The following ATRX variants were observed in gnomAD, a reference collection of about 807,000 sequenced individuals.
ATRX encodes chromatin remodeler ATRX.
In ATRX, 12 loss-of-function variants were observed where a neutral mutation model predicts 172.6. The observed-to-expected ratio is 0.07, with a 90% CI of 0.04 to 0.11. ATRX has a LOEUF of 0.11. Among genes scored for constraint, ATRX ranks in the 10% least tolerant of loss-of-function variants. The pLI is 1.00. For missense variants in ATRX, 1,368 were observed against 1,767.4 expected (o/e 0.77, Z 4.05); for synonymous variants, 674 against 594.7 (o/e 1.13, Z -1.94).
chrX:77,534,914 T>A (rs2063698846), intron 30 of ATRX, among the ~76,000 whole-genome samples: 1 of 111,062 alleles, frequency 9.0e-6, no homozygotes, highest in Non-Finnish European at 1.9e-5. Flanking sequence ...GGGAGGGGGT[T>A]TGCCATGTTT....
chrX:77,716,541 CA>C lies in ATRX; in HGVS notation c.133+589del, dbSNP rs2073437259. 3.7e-5 allele frequency among the ~76,000 whole-genome samples: 4 copies of C among 107,793 alleles called. No homozygotes were observed. In the South Asian group the frequency reaches 1.6e-3, roughly 44 times the overall value. 93.6% of individuals were successfully genotyped at this position (107,793 alleles called of 115,157 possible). ...CAACGAGGGCAGATCACTTGAGTTC[CA>C]GACCAGCTTGGCCAACAGGGTGAAA... is the stretch of plus-strand genomic sequence containing the variant. On this transcript the variant is annotated intron_variant, in intron 2 of 34. Transcript: ENST00000373344.
chrX:77,571,358 A>C (rs2065405248), intron 28 of ATRX, among the ~76,000 whole-genome samples: 1 of 112,109 alleles, frequency 8.9e-6, no homozygotes, highest in South Asian at 3.7e-4. Flanking sequence ...ATCCCATAGA[A>C]TACTACTCTG....
chrX:77,543,083 C>T (rs539660612), intron 30 of ATRX, among the ~76,000 whole-genome samples: 5 of 111,504 alleles, frequency 4.5e-5, no homozygotes, highest in South Asian at 3.8e-4. Context: ...GGCTAATATC[C>T]GGAATCTACA....
Position 77,507,231 on chromosome X carries a change from T to C in ATRX, c.*1120A>G, listed in dbSNP as rs2062731877. 5.9e-6 allele frequency: 1 copy of C among 169,455 alleles called. No individual in the cohort carries two copies. Among genetic ancestry groups the C allele is most frequent in the South Asian group, 3.3e-4 (1 of 3,065 alleles). 14.0% of individuals were successfully genotyped at this position (169,455 alleles called of 1,213,427 possible). On this transcript the variant is annotated 3_prime_UTR_variant, in exon 35 of 35. Coordinates refer to ENST00000373344, the MANE Select transcript of ATRX (RefSeq NM_000489.6). Reference sequence around the variant, plus strand: ...ACAATTTAAAAAAATGTAAGGAAACTGGGGTAAAAGAACATGATGATGAGA... The same window carrying C: ...ACAATTTAAAAAAATGTAAGGAAACCGGGGTAAAAGAACATGATGATGAGA...
intron 1 of ATRX, among the ~76,000 whole-genome samples, chrX:77,733,227 C>A (rs2074376285): frequency 9.0e-6 from 1 of 111,695 alleles, no homozygotes; most frequent in African/African-American, 3.3e-5. Context: ...TCCATACTAT[C>A]CAAAGCAATC....
Position 77,600,303 on chromosome X carries a change from T to A in ATRX, c.5697+131A>T. ...ATAATCATAATACATGCAAGACATA[T>A]AGAAATTAGAAATAAGACATAGAAT... On this transcript the variant is annotated intron_variant, in intron 23 of 34. Coordinates refer to ENST00000373344, the MANE Select transcript of ATRX (RefSeq NM_000489.6). 3 of 771,994 alleles carry A rather than the reference T, an allele frequency of 3.9e-6. No homozygotes were observed. The South Asian group carries it at 7.2e-5, about 18-fold the overall frequency. The allele number at this position is 771,994 out of a possible 1,213,427, so 63.6% of individuals were successfully genotyped here.
In ATRX at chrX:77,504,978, G is replaced by A. The variant is rs1165214146; in HGVS notation, c.*3373C>T. ...GAAACTTGATCACTCCTTTGGGACT[G>A]GCTCAGATTATAGACTTGAAAAAAA... On this transcript the variant is annotated 3_prime_UTR_variant, in exon 35 of 35. Coordinates refer to ENST00000373344, the MANE Select transcript of ATRX (RefSeq NM_000489.6). The A allele has an allele frequency of 6.2e-6, 1 of 162,404 alleles. No individual in the cohort carries two copies. Among genetic ancestry groups the A allele is most frequent in the African/African-American group, 3.0e-5 (1 of 32,982 alleles). 13.4% of individuals were successfully genotyped at this position (162,404 alleles called of 1,213,427 possible). A position where few individuals can be genotyped will look rare whatever the true frequency, so the allele number is the denominator to read the frequency against.
chrX:77,574,640 A>G lies in ATRX; in HGVS notation c.6218-282T>C, dbSNP rs781819889. Among the ~76,000 whole-genome samples the G allele has an allele frequency of 2.7e-5, 3 of 111,995 alleles. No homozygotes were observed. In the South Asian group the frequency reaches 1.1e-3, roughly 41 times the overall value. On this transcript the variant is annotated intron_variant, in intron 27 of 34. Coordinates refer to ENST00000373344, the MANE Select transcript of ATRX (RefSeq NM_000489.6). ...AGGGTTTCCTTGATTAGAATCCTTA[A>G]AACTGTCAAAAGAATATGATTAAAC...
At chrX:77,728,968 G>T (rs1439452228) in intron 1 of ATRX, among the ~76,000 whole-genome samples, 1 of 107,371 alleles carries the variant, frequency 9.3e-6, no homozygotes, top group Non-Finnish European at 1.9e-5. Context: ...CACCATATTG[G>T]CCAGGCTGGT....
intron 1 of ATRX, among the ~76,000 whole-genome samples, chrX:77,778,597 T>C (rs985673519): frequency 9.2e-6 from 1 of 108,540 alleles, no homozygotes; most frequent in East Asian, 2.9e-4. Flanking sequence ...GGCACACGCC[T>C]GTAGTCCAAG....
At chrX:77,775,723 A>C (rs980735962) in intron 1 of ATRX, among the ~76,000 whole-genome samples, 66 of 106,111 alleles carry the variant, frequency 6.2e-4, no homozygotes, top group African/African-American at 1.2e-3. Context: ...TTCTTTATTT[A>C]TTTATTTATT....
chrX:77,632,621 A>G (rs1412762515), intron 19 of ATRX, among the ~76,000 whole-genome samples: 2 of 112,461 alleles, frequency 1.8e-5, no homozygotes, highest in Admixed American at 9.4e-5. Context: ...CAAGATAAAC[A>G]TATGAAGAAA....
intron 10 of ATRX, among the ~76,000 whole-genome samples, chrX:77,672,045 T>C (rs1302314970): frequency 4.5e-5 from 5 of 110,785 alleles, no homozygotes; most frequent in Non-Finnish European, 9.5e-5. Context: ...CTTGCAATAC[T>C]TACCTGTGCT....
chrX:77,777,353 C>A (rs2076394656), intron 1 of ATRX, among the ~76,000 whole-genome samples: 2 of 108,929 alleles, frequency 1.8e-5, no homozygotes, highest in African/African-American at 6.7e-5. Context: ...CGCACTCCAG[C>A]CTGGGCGACA....
rs927822328 is a variant in ATRX, at chrX:77,646,156, A to T, written c.4557+5958T>A. On this transcript the variant is annotated intron_variant, in intron 15 of 34. Coordinates refer to ENST00000373344, the MANE Select transcript of ATRX (RefSeq NM_000489.6). The stretch of plus-strand genomic sequence containing the variant: ...GTAAATGGATTAAACTCCTGGATCA[A>T]AAAGACATAGATGGACATAATAATT... Among the ~76,000 whole-genome samples, 6 of 112,247 alleles carry T rather than the reference A, an allele frequency of 5.3e-5. No individual in the cohort carries two copies. The Admixed American group carries it at 5.7e-4, about 11-fold the overall frequency.
At chrX:77,547,763 G>A (rs1285792933) in intron 30 of ATRX, among the ~76,000 whole-genome samples, 1 of 111,288 alleles carries the variant, frequency 9.0e-6, no homozygotes, top group African/African-American at 3.3e-5. Context: ...ATCTCTGGGG[G>A]AATGCAAGCC....
chrX:77,567,666 A>C (rs782141085), intron 28 of ATRX, among the ~76,000 whole-genome samples: 39 of 110,697 alleles, frequency 3.5e-4, no homozygotes, highest in African/African-American at 1.2e-3. Context: ...ATAGCCAAAA[A>C]AAAAAAATCA....
rs2148619900 is a variant in ATRX, at chrX:77,683,702, C to T, written c.1554G>A (p.Val518=). Residue 518 remains valine (V), a synonymous_variant, in exon 9 of 35, where the codon GTG becomes GTA. Coordinates refer to ENST00000373344, the MANE Select transcript of ATRX (RefSeq NM_000489.6). Reference sequence around the variant, plus strand: ...CTTCTGGAACTGAGGAAGGAACAGACACAATATCCATGTCTAAATCTTCAG... The same window carrying T: ...CTTCTGGAACTGAGGAAGGAACAGATACAATATCCATGTCTAAATCTTCAG... ...NTSEDLDMDI[V]SVPSSVPEDI... is the part of the protein sequence containing the mutation. The T allele has an allele frequency of 8.3e-6, 10 of 1,211,321 alleles. No individual in the cohort carries two copies. The highest frequency in any genetic ancestry group is 1.1e-5 in the Non-Finnish European group (10 of 895,233).
At chrX:77,512,608 C>A (rs1446437931) in intron 34 of ATRX, among the ~76,000 whole-genome samples, 1 of 112,341 alleles carries the variant, frequency 8.9e-6, no homozygotes, top group East Asian at 2.8e-4. Context: ...GTGGCTCAGG[C>A]CTGTGATCCC....
Sources: allele counts gnomAD v4.1 joint callset (sites outside exome capture counted in the v4.1 genomes callset), GRCh38; gene constraint gnomAD v4.1.1; transcripts MANE v1.5; gene names NCBI Gene and HGNC (gene_info 2026-07-23, HGNC 2026-07-21).